The following ZNF136 variants were observed in gnomAD, a reference collection of about 807,000 sequenced individuals.
ZNF136 encodes zinc finger protein 136 (clone pHZ-20).
ZNF136 carries 8 observed loss-of-function variants against 11.4 expected under a neutral mutation model. The observed-to-expected ratio is 0.70, with a 90% CI of 0.41 to 1.27. The LOEUF (loss-of-function observed/expected upper bound fraction) is 1.27, where lower values mean the gene tolerates loss of function less well. Ranked by LOEUF, ZNF136 falls within the 50% of genes most tolerant of loss-of-function variation. ZNF136 has a pLI of 0.01. For missense variants in ZNF136, 590 were observed against 656.5 expected, an observed-to-expected ratio of 0.90 and a Z score of 1.11; for synonymous variants, 190 against 207.1, an observed-to-expected ratio of 0.92 and a Z score of 0.71.
intron 1 of ZNF136, among the ~76,000 whole-genome samples, chr19:12,178,975 T>TGA (rs1914867681): frequency 6.7e-6 from 1 of 148,368 alleles, no homozygotes; most frequent in Non-Finnish European, 1.5e-5. Flanking sequence ...GGCAGCAGAA[T>TGA]GAGACTCTGT....
At chr19:12,186,019 A>C in intron 2 of ZNF136, 95 bp from the exon 3 acceptor site, 1 of 1,594,954 alleles carries the variant, frequency 6.3e-7, no homozygotes, top group South Asian at 1.1e-5. Flanking sequence ...TGGGGGGCTA[A>C]AACAGGCATA....
At chr19:12,171,995 T>G (rs80107855) in intron 1 of ZNF136, among the ~76,000 whole-genome samples, 1 of 149,094 alleles carries the variant, frequency 6.7e-6, no homozygotes. Flanking sequence ...TTTTTTTTTT[T>G]GGAGACAGAG....
intron 1 of ZNF136, among the ~76,000 whole-genome samples, chr19:12,174,204 C>T (rs2145632548): frequency 6.6e-6 from 1 of 152,316 alleles, no homozygotes; most frequent in Non-Finnish European, 1.5e-5. Flanking sequence ...CACATTTGGC[C>T]AATTACTTGC....
chr19:12,183,548 A>AATCAATCAATCT (rs893503730), intron 1 of ZNF136, among the ~76,000 whole-genome samples: 11 of 145,418 alleles, frequency 7.6e-5, no homozygotes, highest in African/African-American at 2.6e-4. Context: ...CACATAACTG[A>AATCAATCAATCT]ATCTATCTAT....
At chr19:12,168,584 C>G (rs1350225390) in intron 1 of ZNF136, among the ~76,000 whole-genome samples, 1 of 152,070 alleles carries the variant, frequency 6.6e-6, no homozygotes, top group Non-Finnish European at 1.5e-5. Context: ...TGTGACTCCT[C>G]CCAGAGGACA....
intron 1 of ZNF136, among the ~76,000 whole-genome samples, chr19:12,182,916 C>A (rs1400823772): frequency 6.6e-6 from 1 of 151,970 alleles, no homozygotes; most frequent in Non-Finnish European, 1.5e-5. Flanking sequence ...GATTTTGTCA[C>A]CTTAAGAAGA....
Position 12,169,855 on chromosome 19 carries a change from C to T in ZNF136, c.3+6649C>T, listed in dbSNP as rs144267771. ...TGTCCCCCAGGCTGGAGTGCAGTGGCGTAATCTCGGCTCACTGCAAGCTCT... is the reference window on the plus strand; with the variant it reads ...TGTCCCCCAGGCTGGAGTGCAGTGGTGTAATCTCGGCTCACTGCAAGCTCT... On this transcript the variant is annotated intron_variant, in intron 1 of 3. Transcript: ENST00000343979. Among the ~76,000 whole-genome samples the T allele has an allele frequency of 4.4e-3, 651 of 149,646 alleles. 4 individuals carry two copies. Among genetic ancestry groups the T allele is most frequent in the Non-Finnish European group, 7.0e-3 (475 of 67,468 alleles).
intron 1 of ZNF136, among the ~76,000 whole-genome samples, chr19:12,174,811 AT>A (rs1163744403): frequency 1.0e-4 from 14 of 135,046 alleles, no homozygotes; most frequent in African/African-American, 3.8e-4. Context: ...AATTTTTTGT[AT>A]TTTTACTAGA....
Position 12,187,540 on chromosome 19 carries a change from G to T in ZNF136, c.1162G>T (p.Gly388Ter). 1 of 1,613,736 alleles carries T rather than the reference G, an allele frequency of 6.2e-7. No homozygotes were observed. The highest frequency in any genetic ancestry group is 8.5e-7 in the Non-Finnish European group (1 of 1,179,940). ...SMRRHMIKHT[G>*]EGPYKCKVCG... Reference sequence around the variant, plus strand: ...GCGAAGACACATGATAAAACATACTGGAGAAGGACCTTATAAATGTAAGGT... The same window carrying T: ...GCGAAGACACATGATAAAACATACTTGAGAAGGACCTTATAAATGTAAGGT... Residue 388 changes from glycine (G) to a stop codon, truncating the protein, a stop_gained, in exon 4 of 4, where the codon GGA (glycine) becomes TGA (stop). Coordinates refer to ENST00000343979, the MANE Select transcript of ZNF136 (RefSeq NM_003437.5). LOFTEE classifies it low-confidence loss of function (END_TRUNC).
chr19:12,174,666 C>T (rs575352200), intron 1 of ZNF136, among the ~76,000 whole-genome samples: 18 of 151,426 alleles, frequency 1.2e-4, no homozygotes, highest in Admixed American at 9.2e-4. Flanking sequence ...GACGGAGTCT[C>T]GCTCTGTTGC....
At chr19:12,185,176 G>A (rs1003497839) in intron 1 of ZNF136, 6 of 152,208 alleles carry the variant, frequency 3.9e-5, no homozygotes, top group Non-Finnish European at 2.9e-5. Context: ...TCTAAGGAAG[G>A]AATGATAACT....
rs1915115139 is a variant in ZNF136, at chr19:12,186,974, A to G, written c.596A>G (p.Lys199Arg). 1 of 1,614,176 alleles carries G rather than the reference A, an allele frequency of 6.2e-7. No homozygotes were observed. Among genetic ancestry groups the G allele is most frequent in the Non-Finnish European group, 8.5e-7 (1 of 1,180,020 alleles). The change falls in exon 4 of 4, where the codon AAG becomes AGG. Residue 199 changes from lysine (K) to arginine (R), a missense_variant. Lys to Arg is a conservative substitution (Grantham distance 26). Transcript: ENST00000343979. ...AGTGGATATACACCATATAAATGTA[A>G]GGTGTGTGGGAAAGCTTTTGATTAT... is the stretch of plus-strand genomic sequence containing the variant. ...THSGYTPYKC[K>R]VCGKAFDYPS...
At chr19:12,174,151 C>T (rs112750695) in intron 1 of ZNF136, among the ~76,000 whole-genome samples, 7 of 152,172 alleles carry the variant, frequency 4.6e-5, no homozygotes, top group African/African-American at 1.4e-4. Flanking sequence ...GTGATCTGCC[C>T]GCCTCGGCCT....
At chr19:12,167,103 T>A (rs1444276875) in intron 1 of ZNF136, among the ~76,000 whole-genome samples, 1 of 152,250 alleles carries the variant, frequency 6.6e-6, no homozygotes, top group Non-Finnish European at 1.5e-5. Flanking sequence ...TGTTTTATTC[T>A]GAGGTTATTC....
chr19:12,180,550 G>A (rs1914913612), intron 1 of ZNF136, among the ~76,000 whole-genome samples: 2 of 152,104 alleles, frequency 1.3e-5, no homozygotes, highest in Admixed American at 6.6e-5. Flanking sequence ...GAGATAATAC[G>A]GAAGCTGAGG....
Position 12,163,294 on chromosome 19 carries a change from C to A in ZNF136, c.3+88C>A, listed in dbSNP as rs551255005. On this transcript the variant is annotated intron_variant, in intron 1 of 3. Coordinates refer to ENST00000343979, the MANE Select transcript of ZNF136 (RefSeq NM_003437.5). Reference sequence around the variant, plus strand: ...GGCTGTGGCGCGGCCCGGGCCTTCCCGTGGGCGACTCTGGGTCTGCGTACC... The same window carrying A: ...GGCTGTGGCGCGGCCCGGGCCTTCCAGTGGGCGACTCTGGGTCTGCGTACC... 50 of 1,316,914 alleles carry A rather than the reference C, an allele frequency of 3.8e-5. No homozygotes were observed. The African/African-American group carries it at 6.2e-4, about 16-fold the overall frequency. The allele number at this position is 1,316,914 out of a possible 1,614,324, so 81.6% of individuals were successfully genotyped here. A position where few individuals can be genotyped will look rare whatever the true frequency, so the allele number is the denominator to read the frequency against.
chr19:12,168,889 G>A (rs989854183), intron 1 of ZNF136, among the ~76,000 whole-genome samples: 2 of 152,026 alleles, frequency 1.3e-5, no homozygotes, highest in African/African-American at 2.4e-5. Flanking sequence ...TGTTGGCCAC[G>A]CTGGTCTCGA....
At chr19:12,169,408 G>A (rs948768614) in intron 1 of ZNF136, 6 of 152,100 alleles carry the variant, frequency 3.9e-5, no homozygotes, top group African/African-American at 7.2e-5. Context: ...AGTGCTCTGC[G>A]GATTATATTT....
In ZNF136 at chr19:12,186,696, A is replaced by G. The variant is rs1186001543; in HGVS notation, c.318A>G (p.Val106=). 6.2e-7 allele frequency: 1 copy of G among 1,614,182 alleles called. No homozygotes were observed. Among genetic ancestry groups the G allele is most frequent in the Non-Finnish European group, 8.5e-7 (1 of 1,180,020 alleles). The change falls in exon 4 of 4, where the codon GTA becomes GTG. Residue 106 remains valine, a synonymous_variant. Transcript: ENST00000343979. ...IPGVKLCESI[V]YGEVSMGQSS... Reference sequence around the variant, plus strand: ...GAGTGAAACTCTGTGAAAGCATTGTATATGGAGAAGTCAGCATGGGTCAGT... The same window carrying G: ...GAGTGAAACTCTGTGAAAGCATTGTGTATGGAGAAGTCAGCATGGGTCAGT...
Sources: gnomAD v4.1 joint callset for allele counts (sites outside exome capture counted in the v4.1 genomes callset) on GRCh38, gnomAD v4.1.1 for gene constraint, MANE v1.5 for transcripts, NCBI Gene and HGNC (gene_info 2026-07-23, HGNC 2026-07-21) for gene names.